Variants in AAK1 observed in about 807,000 individuals in gnomAD.
AAK1 encodes the protein AP2-associated protein kinase 1.
In AAK1, 37 loss-of-function variants were observed where a neutral mutation model predicts 116.0. The ratio of observed to expected loss-of-function variants is 0.32; its 90% CI spans 0.25 to 0.42. The LOEUF (loss-of-function observed/expected upper bound fraction) is 0.42. Ranked by LOEUF, AAK1 falls within the 10% of genes least tolerant of loss-of-function variation. AAK1 has a pLI of 1.00. For missense variants in AAK1, 919 were observed against 1,170.6 expected (o/e 0.79, Z 3.14); for synonymous variants, 458 against 439.9 (o/e 1.04, Z -0.51).
At chr2:69,537,115 G>A (rs1007091279) in intron 5 of AAK1, among the ~76,000 whole-genome samples, 19 of 152,194 alleles carry the variant, frequency 1.2e-4, no homozygotes, top group African/African-American at 2.2e-4. Flanking sequence ...CTTTCTGTGC[G>A]GAGGTTTCCT....
Position 69,474,294 on chromosome 2 carries a change from GT to G in AAK1, c.*1574del. 1 of 985,828 alleles carries G rather than the reference GT, an allele frequency of 1.0e-6. No individual in the cohort carries two copies. The highest frequency in any genetic ancestry group is 1.2e-6 in the Non-Finnish European group (1 of 829,924). The allele number at this position is 985,828 out of a possible 1,614,324, so 61.1% of individuals were successfully genotyped here. A position where few individuals can be genotyped will look rare whatever the true frequency, so the allele number is the denominator to read the frequency against. ...TTTGTACAGATCTGATTAACTAAGAGTTTCCCTTTTGATGATGGACAATGGC... is the reference window on the plus strand; with the variant it reads ...TTTGTACAGATCTGATTAACTAAGAGTTCCCTTTTGATGATGGACAATGGC... On this transcript the variant is annotated 3_prime_UTR_variant, in exon 22 of 22. Transcript: ENST00000409085.
At chr2:69,574,476 G>A (rs1672218605) in intron 2 of AAK1, among the ~76,000 whole-genome samples, 1 of 151,744 alleles carries the variant, frequency 6.6e-6, no homozygotes, top group South Asian at 2.1e-4. Flanking sequence ...GGAGGCTGAG[G>A]CAGGAGGATC....
At chr2:69,584,165 T>A (rs908316628) in intron 2 of AAK1, among the ~76,000 whole-genome samples, 4 of 152,176 alleles carry the variant, frequency 2.6e-5, no homozygotes, top group African/African-American at 9.7e-5. Context: ...TCTGGTATAG[T>A]TACCTTCTCT....
At position 69,480,842 on chromosome 2, in the gene AAK1, C is replaced by T. The variant is rs1446647144; in HGVS notation, c.2569+18G>A. 1 of 1,574,226 alleles carries T rather than the reference C, an allele frequency of 6.4e-7. No individual in the cohort carries two copies. Among genetic ancestry groups the T allele is most frequent in the Non-Finnish European group, 8.6e-7 (1 of 1,159,266 alleles). On this transcript the variant is annotated intron_variant, in intron 19 of 21. Coordinates refer to ENST00000409085, the MANE Select transcript of AAK1 (RefSeq NM_014911.5). The stretch of plus-strand genomic sequence containing the variant: ...CCACACCGACCAGTCCCTGCAGCTG[C>T]AGAGACACCTGACTGACCTGTGCGA...
Position 69,493,087 on chromosome 2 carries a change from A to G in AAK1, c.2365+2898T>C, listed in dbSNP as rs556800323. On this transcript the variant is annotated intron_variant, in intron 17 of 21. Transcript: ENST00000409085. ...GGCAGGAGAATGGCGTGAACCCGGG[A>G]GGCGGAGCTTGCAGTGAGCCGAGAT... Among the ~76,000 whole-genome samples, 652 of 141,144 alleles carry G rather than the reference A, an allele frequency of 4.6e-3. 3 individuals carry two copies. The highest frequency in any genetic ancestry group is 6.6e-3 in the Non-Finnish European group (441 of 66,362). 92.6% of individuals were successfully genotyped at this position (141,144 alleles called of 152,430 possible).
Position 69,472,384 on chromosome 2 carries a change from C to G in AAK1, c.*3485G>C. ...AAATAATATAGCTGATTTTCTTATA[C>G]CTTATTACCTTCCTTGATATTATTT... On this transcript the variant is annotated 3_prime_UTR_variant, in exon 22 of 22. Coordinates refer to ENST00000409085, the MANE Select transcript of AAK1 (RefSeq NM_014911.5). 4.4e-6 allele frequency: 1 copy of G among 225,308 alleles called. No homozygotes were observed. The highest frequency in any genetic ancestry group is 7.4e-6 in the Non-Finnish European group (1 of 135,004). 14.0% of individuals were successfully genotyped at this position (225,308 alleles called of 1,614,324 possible).
At chr2:69,485,958 CTT>C (rs35387178) in intron 17 of AAK1, among the ~76,000 whole-genome samples, 2 of 144,492 alleles carry the variant, frequency 1.4e-5, no homozygotes, top group African/African-American at 2.5e-5. Context: ...TGAGCCTGGC[CTT>C]TTTTTTTTTT....
intron 13 of AAK1, among the ~76,000 whole-genome samples, chr2:69,510,380 CCTT>C (rs1408604418): frequency 7.9e-5 from 12 of 152,202 alleles, no homozygotes; most frequent in Admixed American, 2.0e-4. Context: ...CCTCCATCCT[CCTT>C]CTTTTTTATG....
chr2:69,584,987 T>C (rs1201246657), intron 2 of AAK1, among the ~76,000 whole-genome samples: 3 of 152,228 alleles, frequency 2.0e-5, no homozygotes, highest in Non-Finnish European at 4.4e-5. Flanking sequence ...CATACCCATC[T>C]CATATCTGTA....
chr2:69,577,092 T>C (rs747572419), intron 2 of AAK1, among the ~76,000 whole-genome samples: 5 of 152,222 alleles, frequency 3.3e-5, no homozygotes, highest in Non-Finnish European at 7.3e-5. Flanking sequence ...ATGACAAGCC[T>C]GTGAGGCGAG....
At chr2:69,561,801 C>A (rs1041712020) in intron 2 of AAK1, among the ~76,000 whole-genome samples, 1 of 152,180 alleles carries the variant, frequency 6.6e-6, no homozygotes, top group South Asian at 2.1e-4. Context: ...GCTTTCCATC[C>A]CTATAGTTTT....
At chr2:69,539,030 G>A (rs527424734) in intron 5 of AAK1, among the ~76,000 whole-genome samples, 4 of 152,164 alleles carry the variant, frequency 2.6e-5, no homozygotes, top group South Asian at 2.1e-4. Context: ...AGGGATGTGC[G>A]CCTAGAGATT....
intron 16 of AAK1, among the ~76,000 whole-genome samples, chr2:69,502,989 A>T (rs145166361): frequency 1.9e-3 from 284 of 152,310 alleles, no homozygotes; most frequent in African/African-American, 6.4e-3. Flanking sequence ...ATTAATATTT[A>T]TTGACGTGGA....
intron 3 of AAK1, 74 bp from the exon 4 acceptor site, chr2:69,544,618 T>C (rs1177493482): frequency 9.6e-7 from 1 of 1,037,792 alleles, no homozygotes; most frequent in East Asian, 2.4e-5. Flanking sequence ...TCAGTTCCAT[T>C]AGCACAGATA....
At position 69,460,642 on chromosome 2, in the gene AAK1, T is replaced by C. The variant is rs983570876; in HGVS notation, c.*15227A>G. 17 of 152,174 alleles carry C rather than the reference T, an allele frequency of 1.1e-4. No individual in the cohort carries two copies. Among genetic ancestry groups the C allele is most frequent in the African/African-American group, 2.2e-4 (9 of 41,436 alleles). The allele number at this position is 152,174 out of a possible 1,614,324, so 9.4% of individuals were successfully genotyped here. On this transcript the variant is annotated 3_prime_UTR_variant, in exon 22 of 22. Coordinates refer to ENST00000409085, the MANE Select transcript of AAK1 (RefSeq NM_014911.5). Reference sequence around the variant, plus strand: ...GTCTACAAATATGAGACTTTTCAACTCAACAATAAGTGGGCCGAAAACAAT... The same window carrying C: ...GTCTACAAATATGAGACTTTTCAACCCAACAATAAGTGGGCCGAAAACAAT...
At position 69,527,315 on chromosome 2, in the gene AAK1, A is replaced by G. The variant is rs780021078; in HGVS notation, c.876T>C (p.Tyr292=). ...YSQDMHCLIR[Y]MLEPDPDKRP... ...TTTTGTCAGGGTCTGGTTCCAACAT[A>G]TACCCTAAGGCAAACATGTGAATTT... The change falls in exon 9 of 22, where the codon TAT becomes TAC. Residue 292 remains tyrosine (Y), a synonymous_variant. Coordinates refer to ENST00000409085, the MANE Select transcript of AAK1 (RefSeq NM_014911.5). 6.3e-7 allele frequency: 1 copy of G among 1,590,778 alleles called. No individual in the cohort carries two copies. The highest frequency in any genetic ancestry group is 8.6e-7 in the Non-Finnish European group (1 of 1,162,680).
intron 2 of AAK1, among the ~76,000 whole-genome samples, chr2:69,587,437 A>G (rs115561961): frequency 0.021 from 3,102 of 150,198 alleles, 96 homozygotes; most frequent in African/African-American, 0.069. Context: ...ATATATACAT[A>G]TGTGTATATG....
intron 2 of AAK1, among the ~76,000 whole-genome samples, chr2:69,581,262 C>T (rs949888492): frequency 2.0e-5 from 3 of 152,094 alleles, no homozygotes; most frequent in African/African-American, 2.4e-5. Flanking sequence ...TACAGGCACA[C>T]GCCACCACAC....
intron 2 of AAK1, among the ~76,000 whole-genome samples, chr2:69,611,840 T>C (rs1047879056): frequency 1.8e-4 from 27 of 152,208 alleles, no homozygotes; most frequent in African/African-American, 6.3e-4. Context: ...TTTTGACATA[T>C]ACTATAACAT....
Sources: allele counts gnomAD v4.1 joint callset (sites outside exome capture counted in the v4.1 genomes callset), GRCh38; gene constraint gnomAD v4.1.1; transcripts MANE v1.5; gene names NCBI Gene and HGNC (gene_info 2026-07-23, HGNC 2026-07-21).